The following PLEKHG1 variants were observed in gnomAD, a reference collection of about 807,000 sequenced individuals.
PLEKHG1 encodes the protein pleckstrin homology domain-containing family G member 1.
Under a neutral mutation model 100.8 loss-of-function variants are expected in PLEKHG1, and 44 were observed. The observed-to-expected ratio is 0.44, with a 90% CI of 0.34 to 0.56. PLEKHG1 has a LOEUF of 0.56. Ranked by LOEUF, PLEKHG1 falls within the 20% of genes least tolerant of loss-of-function variation. The probability of loss-of-function intolerance (pLI) is 0.01; values close to 1 mark genes in which losing one functional copy is unlikely to be tolerated. For synonymous variants in PLEKHG1, 640 were observed against 662.5 expected (o/e 0.97, Z 0.52); for missense variants, 1,545 against 1,720.9 (o/e 0.90, Z 1.81).
chr6:150,751,475 A>AC (rs1783508196), intron 2 of PLEKHG1, among the ~76,000 whole-genome samples: 1 of 152,212 alleles, frequency 6.6e-6, no homozygotes, highest in South Asian at 2.1e-4. Context: ...TAGCGATGGC[A>AC]TCTCCACCAG....
intron 3 of PLEKHG1, among the ~76,000 whole-genome samples, chr6:150,776,134 TA>T (rs1392579459): frequency 2.6e-5 from 4 of 152,170 alleles, no homozygotes; most frequent in African/African-American, 4.8e-5. Context: ...ATATGTTCTG[TA>T]AAAGAGAACA....
chr6:150,706,998 C>CTTTTTTTTTTTTTTTTT (rs71014517), intron 3 of PLEKHG1, among the ~76,000 whole-genome samples: 20 of 51,924 alleles, frequency 3.9e-4, no homozygotes, highest in African/African-American at 1.2e-3. Context: ...TTTTCTTTTT[C>CTTTTTTTTTTTTTTTTT]TTTTTTTTTT....
chr6:150,778,516 CCTT>C (rs1157071400), intron 3 of PLEKHG1, among the ~76,000 whole-genome samples: 1 of 152,212 alleles, frequency 6.6e-6, no homozygotes, highest in East Asian at 1.9e-4. Context: ...ACTGTCCCAA[CCTT>C]CTTTCACCCT....
At chr6:150,642,927 T>C (rs879623039) in intron 2 of PLEKHG1, among the ~76,000 whole-genome samples, 2 of 150,014 alleles carry the variant, frequency 1.3e-5, no homozygotes, top group African/African-American at 2.5e-5. Flanking sequence ...GGTACTTAAG[T>C]GAAGCTCATT....
chr6:150,809,054 G>T (rs1456160912), intron 7 of PLEKHG1, 51 bp from the exon 9 acceptor site: 1 of 1,531,926 alleles, frequency 6.5e-7, no homozygotes, highest in South Asian at 1.2e-5. Flanking sequence ...CCAAGCCCTT[G>T]GTGCCTGGCT....
rs1278623275 is a variant in PLEKHG1 at position 150,824,718 on chromosome 6, C to T, written c.1470+1042C>T. On this transcript the variant is annotated intron_variant, in intron 14 of 15. Transcript: ENST00000358517. ...CTGATTTTTGTATTTTTAGTAGAGA[C>T]GGGGGTTCACCAAGTTGGCAACGCC... 8.4e-5 allele frequency among the ~76,000 whole-genome samples: 9 copies of T among 106,702 alleles called. No homozygotes were observed. The East Asian group carries it at 1.2e-3, about 15-fold the overall frequency. The allele number at this position is 106,702 out of a possible 152,430, so 70.0% of individuals were successfully genotyped here.
At chr6:150,753,518 G>A (rs1359317520) in intron 2 of PLEKHG1, among the ~76,000 whole-genome samples, 6 of 152,110 alleles carry the variant, frequency 3.9e-5, no homozygotes, top group Non-Finnish European at 7.4e-5. Flanking sequence ...AGCAGCTGCC[G>A]ACCATAAATA....
At chr6:150,645,952 T>C (rs1053494267) in intron 2 of PLEKHG1, among the ~76,000 whole-genome samples, 5 of 152,192 alleles carry the variant, frequency 3.3e-5, no homozygotes, top group African/African-American at 1.2e-4. Flanking sequence ...TTAGTAGGAA[T>C]AAAACCCAAA....
intron 2 of PLEKHG1, among the ~76,000 whole-genome samples, chr6:150,742,849 G>A (rs1782952904): frequency 6.6e-6 from 1 of 152,136 alleles, no homozygotes; most frequent in African/African-American, 2.4e-5. Flanking sequence ...AGGTGAGGAG[G>A]AGCAGCACTC....
chr6:150,644,311 G>C (rs2128570050), intron 2 of PLEKHG1, among the ~76,000 whole-genome samples: 1 of 137,526 alleles, frequency 7.3e-6, no homozygotes. Flanking sequence ...GCTAGGAAAA[G>C]AGAGTGGTTT....
intron 2 of PLEKHG1, among the ~76,000 whole-genome samples, chr6:150,746,499 CCACAAA>C (rs1415040698): frequency 1.3e-5 from 2 of 152,246 alleles, no homozygotes; most frequent in South Asian, 4.1e-4. Flanking sequence ...ATAAAAACTG[CCACAAA>C]TATCCTTAAT....
Position 150,683,661 on chromosome 6 carries a change from A to G in PLEKHG1, c.-99+32875A>G. ...ATCCACCTGCTATAACTGGCAAACT[A>G]AGGATGACAGAGTGTTCAATGATGC... On this transcript the variant is annotated intron_variant, in intron 3 of 3. Coordinates refer to the PLEKHG1 transcript ENST00000367326. This position sits in a 1 kb window ranked among gnomAD's most constrained non-coding sequence, Gnocchi z 4.0. 3.6e-6 allele frequency: 2 copies of G among 557,992 alleles called. No individual in the cohort carries two copies. Among genetic ancestry groups the G allele is most frequent in the Non-Finnish European group, 5.5e-6 (2 of 364,522 alleles). 34.6% of individuals were successfully genotyped at this position (557,992 alleles called of 1,614,324 possible).
upstream of PLEKHG1, among the ~76,000 whole-genome samples, chr6:150,720,730 C>G (rs966625510): frequency 2.6e-5 from 4 of 151,926 alleles, no homozygotes; most frequent in African/African-American, 7.3e-5. Flanking sequence ...AGGAAGTGAA[C>G]TTAAAAATTT....
intron 2 of PLEKHG1, among the ~76,000 whole-genome samples, chr6:150,747,118 C>T (rs1001542872): frequency 1.1e-4 from 16 of 152,180 alleles, no homozygotes; most frequent in African/African-American, 3.1e-4. Context: ...AGGTCTTGTT[C>T]GGTTGGGTTA....
At chr6:150,673,146 T>G (rs1779633071) in intron 3 of PLEKHG1, among the ~76,000 whole-genome samples, 1 of 152,226 alleles carries the variant, frequency 6.6e-6, no homozygotes, top group Non-Finnish European at 1.5e-5. Context: ...AATTTTGGCA[T>G]GTATCTGCAG....
chr6:150,676,901 C>T (rs889313055), intron 3 of PLEKHG1, among the ~76,000 whole-genome samples: 2 of 151,982 alleles, frequency 1.3e-5, no homozygotes, highest in African/African-American at 4.8e-5. Context: ...CAAGCTTCAG[C>T]CTTTCCCTCC....
At chr6:150,608,019 A>C (rs1370125839) in intron 1 of PLEKHG1, among the ~76,000 whole-genome samples, 1 of 152,216 alleles carries the variant, frequency 6.6e-6, no homozygotes, top group Non-Finnish European at 1.5e-5. Context: ...ACTCAAAGGA[A>C]CATCATTTCA....
intron 3 of PLEKHG1, among the ~76,000 whole-genome samples, chr6:150,693,876 G>C (rs1437454459): frequency 6.6e-6 from 1 of 152,262 alleles, no homozygotes; most frequent in African/African-American, 2.4e-5. Context: ...TCGAGAGGCA[G>C]AGCAAAATGG....
intron 2 of PLEKHG1, among the ~76,000 whole-genome samples, chr6:150,647,806 A>G (rs1582878214): frequency 6.6e-6 from 1 of 152,160 alleles, no homozygotes; most frequent in East Asian, 1.9e-4. Context: ...TTTTTTAAAA[A>G]ATCCTATTTT....
Sources: gnomAD v4.1 joint callset for allele counts (sites outside exome capture counted in the v4.1 genomes callset) on GRCh38, gnomAD v4.1.1 for gene constraint, Gnocchi (gnomAD v3.1) non-coding constraint, MANE v1.5 for transcripts, NCBI Gene and HGNC (gene_info 2026-07-23, HGNC 2026-07-21) for gene names.